Variants in SLC39A11 observed in about 807,000 individuals in gnomAD.
The protein encoded by SLC39A11 is solute carrier family 39 member 11, also known as zinc transporter ZIP11.
A neutral mutation model predicts 36.1 loss-of-function variants in SLC39A11; 33 were observed. The ratio of observed to expected loss-of-function variants is 0.91; its 90% confidence interval spans 0.69 to 1.22. The LOEUF is 1.22. SLC39A11 is among the 50% of genes most tolerant of loss of function. The probability of loss-of-function intolerance (pLI) is 0.00; values close to 1 mark genes in which losing one functional copy is unlikely to be tolerated. For synonymous variants in SLC39A11, 166 were observed against 170.3 expected (o/e 0.97, Z 0.20); for missense variants, 432 against 430.3 (o/e 1.00, Z -0.03).
chr17:72,893,993 C>T (rs1289596775), intron 5 of SLC39A11, among the ~76,000 whole-genome samples: 3 of 152,074 alleles, frequency 2.0e-5, no homozygotes, highest in Non-Finnish European at 4.4e-5. Context: ...ACCTTTAGAA[C>T]CAAGCAGTGA....
At chr17:72,796,365 C>A (rs1269354995) in intron 6 of SLC39A11, among the ~76,000 whole-genome samples, 1 of 152,110 alleles carries the variant, frequency 6.6e-6, no homozygotes, top group East Asian at 1.9e-4. Flanking sequence ...TTCCTGGCTT[C>A]TGCTGGTGGG....
At chr17:72,890,269 AAAC>A (rs1039212218) in intron 5 of SLC39A11, among the ~76,000 whole-genome samples, 4 of 135,056 alleles carry the variant, frequency 3.0e-5, no homozygotes, top group Non-Finnish European at 3.2e-5. Context: ...CATCTCAAAC[AAAC>A]AACAACAACA....
rs192524718 is a variant in SLC39A11, at chr17:72,991,266, T to C, written c.306+40290A>G. Among the ~76,000 whole-genome samples the C allele has an allele frequency of 4.5e-4, 69 of 152,338 alleles. 1 individual carries two copies. The highest frequency in any genetic ancestry group is 1.0e-3 in the South Asian group (5 of 4,834). On this transcript the variant is annotated intron_variant, in intron 4 of 9. Transcript: ENST00000255559. ...TATATTTTTATATGTCTACAAAAAA[T>C]TCACACTATTATTTTATACAATTTC...
In SLC39A11 at chr17:72,685,564, C is replaced by T. The variant is rs538835221; in HGVS notation, c.672-36296G>A. On this transcript the variant is annotated intron_variant, in intron 7 of 9. Coordinates refer to ENST00000255559, the MANE Select transcript of SLC39A11 (RefSeq NM_139177.4). ...GCCCCAAAAGGATTCATCTCAGGAA[C>T]GTGGCAAAGGTCAGTTTTCATCTGA... Among the ~76,000 whole-genome samples, 11 of 150,998 alleles carry T rather than the reference C, an allele frequency of 7.3e-5. 1 individual carries two copies. In the South Asian group the frequency reaches 2.1e-3, roughly 29 times the overall value.
intron 4 of SLC39A11, among the ~76,000 whole-genome samples, chr17:72,993,260 G>A (rs1430695557): frequency 6.6e-6 from 1 of 152,176 alleles, no homozygotes; most frequent in Non-Finnish European, 1.5e-5. Flanking sequence ...TTACACAGGT[G>A]TACACATTTG....
At chr17:72,878,306 G>C (rs142789271) in intron 5 of SLC39A11, among the ~76,000 whole-genome samples, 1 of 152,172 alleles carries the variant, frequency 6.6e-6, no homozygotes, top group African/African-American at 2.4e-5. Flanking sequence ...TACCATCTTG[G>C]AAAGGGTATC....
chr17:72,851,822 T>C (rs2079344687), intron 5 of SLC39A11, among the ~76,000 whole-genome samples: 2 of 152,276 alleles, frequency 1.3e-5, no homozygotes, highest in African/African-American at 4.8e-5. Context: ...TCTCTGAATG[T>C]CTTCTAGTTT....
intron 5 of SLC39A11, among the ~76,000 whole-genome samples, chr17:72,866,570 A>G (rs899180400): frequency 1.3e-5 from 2 of 152,120 alleles, no homozygotes; most frequent in Non-Finnish European, 2.9e-5. Context: ...CACACATACA[A>G]ACACACACAC....
At chr17:73,068,209 T>G (rs1301608586) in intron 3 of SLC39A11, 5 of 1,041,112 alleles carry the variant, frequency 4.8e-6, no homozygotes, top group South Asian at 1.5e-5. Context: ...TGGTTGTTTC[T>G]GGGGAGACCT....
intron 5 of SLC39A11, among the ~76,000 whole-genome samples, chr17:72,857,853 G>A (rs1355721450): frequency 6.6e-6 from 1 of 152,064 alleles, no homozygotes; most frequent in Non-Finnish European, 1.5e-5. Context: ...ATGTGTTTAA[G>A]CTCCTTACAG....
intron 3 of SLC39A11, among the ~76,000 whole-genome samples, chr17:73,069,827 C>T (rs1407953402): frequency 6.6e-6 from 1 of 152,164 alleles, no homozygotes; most frequent in Non-Finnish European, 1.5e-5. Context: ...ATGTCAGCTA[C>T]TCCCTATTAT....
At chr17:72,935,566 T>C (rs2084691537) in intron 5 of SLC39A11, among the ~76,000 whole-genome samples, 1 of 152,194 alleles carries the variant, frequency 6.6e-6, no homozygotes. Context: ...AAAATATTCA[T>C]GTCCTTTATC....
chr17:72,736,429 G>A (rs1304433099), intron 7 of SLC39A11, among the ~76,000 whole-genome samples: 1 of 152,152 alleles, frequency 6.6e-6, no homozygotes, highest in African/African-American at 2.4e-5. Context: ...TTTCCAAAAT[G>A]ATCATCACCC....
intron 7 of SLC39A11, among the ~76,000 whole-genome samples, chr17:72,662,550 GAAAAA>G (rs1567917881): frequency 2.3e-5 from 1 of 43,880 alleles, no homozygotes; most frequent in East Asian, 4.3e-4. Flanking sequence ...AGAAAGAAAA[GAAAAA>G]AGAAAAGAAA....
chr17:72,729,243 G>T (rs78085584), intron 7 of SLC39A11, among the ~76,000 whole-genome samples: 16,083 of 148,312 alleles, frequency 0.11, 982 homozygotes, highest in African/African-American at 0.13. Context: ...TATTTATTTA[G>T]TTTTATTTTT....
chr17:72,889,723 T>C (rs774785576), intron 5 of SLC39A11, among the ~76,000 whole-genome samples: 9 of 152,200 alleles, frequency 5.9e-5, no homozygotes, highest in Admixed American at 1.3e-4. Flanking sequence ...ATTTGGCTGT[T>C]GCATAATCTG....
intron 6 of SLC39A11, among the ~76,000 whole-genome samples, chr17:72,820,059 G>A (rs139161997): frequency 3.3e-5 from 5 of 151,348 alleles, no homozygotes; most frequent in African/African-American, 4.8e-5. Flanking sequence ...GATTGACAAC[G>A]AGCACGCCAA....
At chr17:72,774,587 A>T (rs1483008674) in intron 6 of SLC39A11, among the ~76,000 whole-genome samples, 1 of 152,004 alleles carries the variant, frequency 6.6e-6, no homozygotes, top group Non-Finnish European at 1.5e-5. Flanking sequence ...AGGTAAACAG[A>T]CTCGTCTGAA....
rs1042340915 is a variant in SLC39A11 at position 72,932,552 on chromosome 17, C to G, written c.430+15200G>C. Among the ~76,000 whole-genome samples, 6 of 146,120 alleles carry G rather than the reference C, an allele frequency of 4.1e-5. No individual in the cohort carries two copies. In the Admixed American group the frequency reaches 4.3e-4, roughly 11 times the overall value. On this transcript the variant is annotated intron_variant, in intron 5 of 9. Transcript: ENST00000255559. ...CCATATCCCTGATTCAGAGAGTGTT[C>G]GGACCCAAATGTGCTCAATGACTCA...
Sources: gnomAD v4.1 joint callset for allele counts (sites outside exome capture counted in the v4.1 genomes callset) on GRCh38, gnomAD v4.1.1 for gene constraint, MANE v1.5 for transcripts, NCBI Gene and HGNC (gene_info 2026-07-23, HGNC 2026-07-21) for gene names.